Variants in PLEKHA7 observed in about 807,000 individuals in gnomAD.
PLEKHA7 encodes the protein pleckstrin homology domain-containing family A member 7.
Under a neutral mutation model 170.0 loss-of-function variants are expected in PLEKHA7, and 104 were observed. The observed-to-expected ratio is 0.61, with a 90% CI of 0.52 to 0.72. The LOEUF (loss-of-function observed/expected upper bound fraction) is 0.72. Among genes scored for constraint, PLEKHA7 ranks in the 30% least tolerant of loss-of-function variants. The pLI, the probability that PLEKHA7 is intolerant of heterozygous loss-of-function variation, is 0.00. For missense variants in PLEKHA7, 1,615 were observed against 1,671.7 expected, an observed-to-expected ratio of 0.97 and a Z score of 0.59; for synonymous variants, 648 against 660.8, an observed-to-expected ratio of 0.98 and a Z score of 0.30.
chr11:16,892,593 G>A (rs954461940), intron 3 of PLEKHA7, among the ~76,000 whole-genome samples: 53 of 146,090 alleles, frequency 3.6e-4, no homozygotes, highest in African/African-American at 1.2e-3. Context: ...CCACAGGTGC[G>A]TGCCACCATG....
At chr11:16,816,346 C>T in intron 11 of PLEKHA7, 82 bp from the exon 12 acceptor site, 1 of 919,480 alleles carries the variant, frequency 1.1e-6, no homozygotes, top group Non-Finnish European at 1.8e-6. Flanking sequence ...ATGCCATGTC[C>T]CCTCTGAGCC....
chr11:16,900,853 T>A (rs1428534643), intron 3 of PLEKHA7, among the ~76,000 whole-genome samples: 1 of 151,314 alleles, frequency 6.6e-6, no homozygotes, highest in African/African-American at 2.4e-5. Context: ...ATTTTTTATT[T>A]TTTTTTTTTT....
rs549854667 is a variant in PLEKHA7 at position 16,798,649 on chromosome 11, G to C, written c.2409+2325C>G. ...GTAAAACTAAAAAGATCAATTACAA[G>C]TGCTGACAAGGATGTGAGCAAATAG... is the stretch of plus-strand genomic sequence containing the variant. On this transcript the variant is annotated intron_variant, in intron 17 of 26. Coordinates refer to ENST00000531066, the MANE Select transcript of PLEKHA7 (RefSeq NM_001329630.2). 2.0e-4 allele frequency among the ~76,000 whole-genome samples: 31 copies of C among 152,306 alleles called. No homozygotes were observed. The South Asian group carries it at 6.0e-3, about 30-fold the overall frequency.
intron 3 of PLEKHA7, among the ~76,000 whole-genome samples, chr11:16,893,015 T>C (rs1856769903): frequency 6.6e-6 from 1 of 152,204 alleles, no homozygotes. Context: ...ATCCCATTCA[T>C]GAGGGCTCGA....
chr11:16,877,504 G>C (rs1454783393), intron 3 of PLEKHA7, among the ~76,000 whole-genome samples: 1 of 152,082 alleles, frequency 6.6e-6, no homozygotes, highest in Non-Finnish European at 1.5e-5. Context: ...TCACAAAATT[G>C]CTCACTTAAT....
At chr11:16,863,489 A>G (rs1443000522) in intron 4 of PLEKHA7, among the ~76,000 whole-genome samples, 1 of 152,168 alleles carries the variant, frequency 6.6e-6, no homozygotes, top group African/African-American at 2.4e-5. Context: ...GTCTCAGCAC[A>G]CAAGCGGGCC....
intron 3 of PLEKHA7, among the ~76,000 whole-genome samples, chr11:16,898,694 C>A (rs1373712210): frequency 2.0e-5 from 3 of 152,154 alleles, no homozygotes; most frequent in Non-Finnish European, 4.4e-5. Context: ...GTGTTTCTGG[C>A]ATGTGTTGGC....
At chr11:16,946,266 T>C (rs1281014700) in intron 3 of PLEKHA7, among the ~76,000 whole-genome samples, 1 of 152,180 alleles carries the variant, frequency 6.6e-6, no homozygotes, top group African/African-American at 2.4e-5. Context: ...GCTTCTGGCC[T>C]TTCTCCCAGC....
At chr11:16,839,268 AAGTCCAC>A (rs572259011) in intron 9 of PLEKHA7, among the ~76,000 whole-genome samples, 13 of 152,166 alleles carry the variant, frequency 8.5e-5, no homozygotes, top group African/African-American at 3.1e-4. Context: ...ATATTTCTAT[AAGTCCAC>A]ATACGTATAT....
chr11:16,953,922 T>C (rs1861548252), intron 3 of PLEKHA7, among the ~76,000 whole-genome samples: 1 of 152,164 alleles, frequency 6.6e-6, no homozygotes, highest in Non-Finnish European at 1.5e-5. Flanking sequence ...TATAAAACAA[T>C]AATTTGCCCT....
At chr11:16,879,300 G>T (rs371093428) in intron 3 of PLEKHA7, among the ~76,000 whole-genome samples, 24 of 152,176 alleles carry the variant, frequency 1.6e-4, no homozygotes, top group Admixed American at 6.5e-4. Context: ...CAGCAAAGAA[G>T]AATATTCATG....
intron 10 of PLEKHA7, among the ~76,000 whole-genome samples, chr11:16,825,639 G>A (rs1308415692): frequency 6.6e-6 from 1 of 152,212 alleles, no homozygotes; most frequent in Non-Finnish European, 1.5e-5. Flanking sequence ...TTGAAGGAAT[G>A]GGTCTGATAA....
chr11:16,851,858 C>A (rs570147588), intron 7 of PLEKHA7, among the ~76,000 whole-genome samples: 1 of 152,240 alleles, frequency 6.6e-6, no homozygotes, highest in Non-Finnish European at 1.5e-5. Context: ...TTTGAAAGCA[C>A]CAGTAGCAGT....
Position 16,826,498 on chromosome 11 carries a change from C to G in PLEKHA7, c.965G>C (p.Arg322Thr). The change falls in exon 10 of 27, where the codon AGA becomes ACA. Residue 322 changes from arginine (R) to threonine (T), a missense_variant. By Grantham distance (71) the Arg-to-Thr change is moderately conservative. Coordinates refer to ENST00000531066, the MANE Select transcript of PLEKHA7 (RefSeq NM_001329630.2). ...ECGRVGPGHT[R>T]DCPHRGHDDI... ...ATCATGGCCACGATGAGGACAATCT[C>G]TCGTATGTCCGGGTCCCACCCGGCC... The G allele has an allele frequency of 6.2e-7, 1 of 1,614,252 alleles. No individual in the cohort carries two copies. Among genetic ancestry groups the G allele is most frequent in the Non-Finnish European group, 8.5e-7 (1 of 1,180,052 alleles).
intron 9 of PLEKHA7, among the ~76,000 whole-genome samples, chr11:16,829,081 G>A (rs1850897398): frequency 6.6e-6 from 1 of 151,034 alleles, no homozygotes; most frequent in African/African-American, 2.4e-5. Flanking sequence ...ACGGCTCACT[G>A]CAGCCTTGAT....
At chr11:17,008,796 G>C (rs1865162161) in intron 3 of PLEKHA7, among the ~76,000 whole-genome samples, 3 of 152,118 alleles carry the variant, frequency 2.0e-5, no homozygotes, top group Admixed American at 2.0e-4. Flanking sequence ...GCCTGCTGTA[G>C]GGGGAACGGA....
intron 12 of PLEKHA7, among the ~76,000 whole-genome samples, chr11:16,814,424 G>A (rs559610592): frequency 3.3e-5 from 5 of 152,298 alleles, no homozygotes; most frequent in East Asian, 1.9e-4. Context: ...GTACAGCCTG[G>A]AGGACCAGCC....
At chr11:16,797,768 C>A (rs1231449023) in intron 17 of PLEKHA7, among the ~76,000 whole-genome samples, 1 of 152,142 alleles carries the variant, frequency 6.6e-6, no homozygotes, top group Non-Finnish European at 1.5e-5. Flanking sequence ...GTGTTGAGAA[C>A]AGGTAAAGAA....
chr11:16,998,460 G>A (rs550976199), intron 3 of PLEKHA7, among the ~76,000 whole-genome samples: 1 of 152,280 alleles, frequency 6.6e-6, no homozygotes, highest in African/African-American at 2.4e-5. Context: ...GACACATGCG[G>A]CTTTTGGAGT....
Sources: gnomAD v4.1 joint callset for allele counts (sites outside exome capture counted in the v4.1 genomes callset) on GRCh38, gnomAD v4.1.1 for gene constraint, MANE v1.5 for transcripts, NCBI Gene and HGNC (gene_info 2026-07-23, HGNC 2026-07-21) for gene names.